FREM2: variants seen among roughly 807,000 people sequenced by gnomAD.
FREM2 encodes FRAS1-related extracellular matrix protein 2.
A neutral mutation model predicts 219.9 loss-of-function variants in FREM2; 119 were observed. The observed-to-expected ratio is 0.54, with a 90% CI of 0.47 to 0.63. FREM2 has a LOEUF of 0.63. Among genes scored for constraint, FREM2 ranks in the 30% least tolerant of loss-of-function variants. The probability of loss-of-function intolerance (pLI) is 0.00; values close to 1 mark genes in which losing one functional copy is unlikely to be tolerated. For missense variants in FREM2, 4,030 were observed against 3,993.6 expected, an observed-to-expected ratio of 1.01 and a Z score of -0.25; for synonymous variants, 1,562 against 1,522.8, an observed-to-expected ratio of 1.03 and a Z score of -0.60.
At chr13:38,780,289 G>A (rs1874067078) in intron 4 of FREM2, among the ~76,000 whole-genome samples, 1 of 152,160 alleles carries the variant, frequency 6.6e-6, no homozygotes, top group Non-Finnish European at 1.5e-5. Context: ...AGTTGGTCAA[G>A]ACAGCAAAAC....
intron 10 of FREM2, 55 bp from the exon 11 acceptor site, chr13:38,851,631 G>A (rs1048723530): frequency 2.3e-6 from 3 of 1,311,200 alleles, no homozygotes; most frequent in Admixed American, 3.4e-5. Flanking sequence ...AGAAATGGAG[G>A]AAAAGCATTC....
chr13:38,794,993 G>A (rs1874712979), intron 6 of FREM2, among the ~76,000 whole-genome samples: 1 of 152,126 alleles, frequency 6.6e-6, no homozygotes, highest in African/African-American at 2.4e-5. Flanking sequence ...AATTACTTAA[G>A]ATCACACAAA....
intron 3 of FREM2, among the ~76,000 whole-genome samples, chr13:38,766,113 G>C (rs1873424218): frequency 6.6e-6 from 1 of 152,076 alleles, no homozygotes; most frequent in Admixed American, 6.5e-5. Flanking sequence ...TCCCACTCCT[G>C]GTGAGTTTAT....
chr13:38,861,997 T>TA (rs763952981), intron 15 of FREM2, among the ~76,000 whole-genome samples: 26 of 152,160 alleles, frequency 1.7e-4, no homozygotes, highest in Non-Finnish European at 1.3e-4. Context: ...TTAAATAAAA[T>TA]AAAAAATGAA....
Position 38,872,773 on chromosome 13 carries a change from T to C in FREM2, c.8015T>C (p.Leu2672Pro), listed in dbSNP as rs763270809. 2 of 1,614,072 alleles carry C rather than the reference T, an allele frequency of 1.2e-6. No homozygotes were observed. The highest frequency in any genetic ancestry group is 1.7e-6 in the Non-Finnish European group (2 of 1,179,924). ...AACCTAGTGCAGTCCTATGTGACCC[T>C]TCGAGTCCCTCTGTATGTTTCCTAC... is the stretch of plus-strand genomic sequence containing the variant. ...VLNLVQSYVT[L>P]RVPLYVSYVF... Residue 2672 changes from leucine to proline, a missense_variant, in exon 17 of 24, where the codon CTT becomes CCT. Coordinates refer to ENST00000280481, the MANE Select transcript of FREM2 (RefSeq NM_207361.6).
At chr13:38,865,651 G>T (rs1037824533) in intron 16 of FREM2, among the ~76,000 whole-genome samples, 1 of 152,202 alleles carries the variant, frequency 6.6e-6, no homozygotes, top group African/African-American at 2.4e-5. Flanking sequence ...AGTTCTGCTG[G>T]TGTTGATGTT....
At chr13:38,713,969 A>G (rs1467775666) in intron 2 of FREM2, among the ~76,000 whole-genome samples, 1 of 152,242 alleles carries the variant, frequency 6.6e-6, no homozygotes, top group African/African-American at 2.4e-5. Flanking sequence ...ACAGCCTCCA[A>G]CATCAAAGAA....
intron 6 of FREM2, among the ~76,000 whole-genome samples, chr13:38,802,327 G>A (rs927578473): frequency 5.9e-5 from 9 of 152,222 alleles, no homozygotes; most frequent in East Asian, 3.9e-4. Flanking sequence ...CACAGCAGCC[G>A]GCAACAGTGA....
intron 6 of FREM2, among the ~76,000 whole-genome samples, chr13:38,841,037 C>G (rs1876943030): frequency 6.6e-6 from 1 of 152,152 alleles, no homozygotes; most frequent in South Asian, 2.1e-4. Flanking sequence ...TCTAGATATG[C>G]ATCCTAGTTC....
chr13:38,696,176 G>A (rs12429728), intron 1 of FREM2, among the ~76,000 whole-genome samples: 5,781 of 152,222 alleles, frequency 0.038, 280 homozygotes, highest in African/African-American at 0.12. Flanking sequence ...AGAATCAAGC[G>A]ACTTAGGCAT....
At chr13:38,733,073 G>A (rs1871831295) in intron 2 of FREM2, among the ~76,000 whole-genome samples, 1 of 152,126 alleles carries the variant, frequency 6.6e-6, no homozygotes, top group African/African-American at 2.4e-5. Context: ...AGATGATAGT[G>A]AGAGGAAAAC....
At chr13:38,861,396 C>A (rs1877753850) in intron 14 of FREM2, 35 bp from the exon 15 acceptor site, 2 of 1,605,612 alleles carry the variant, frequency 1.2e-6, no homozygotes, top group Non-Finnish European at 1.7e-6. Flanking sequence ...TGATTACCTT[C>A]TTTTCGCATA....
At chr13:38,868,964 C>T (rs746976604) in intron 16 of FREM2, among the ~76,000 whole-genome samples, 4 of 152,186 alleles carry the variant, frequency 2.6e-5, no homozygotes, top group Non-Finnish European at 5.9e-5. Context: ...CTGCAGCAAG[C>T]CAGTGCTGAC....
In FREM2 at chr13:38,726,066, A is replaced by G. The variant is rs139616892; in HGVS notation, c.5263+28279A>G. On this transcript the variant is annotated intron_variant, in intron 2 of 23. Coordinates refer to ENST00000280481, the MANE Select transcript of FREM2 (RefSeq NM_207361.6). ...CAGAGTTCCCATGAGGAGGGCGCAC[A>G]CCATGCCATGCAGGGCTCCATGGAG... 1.1e-4 allele frequency among the ~76,000 whole-genome samples: 17 copies of G among 152,322 alleles called. No homozygotes were observed. In the East Asian group the frequency reaches 1.7e-3, roughly 16 times the overall value.
At chr13:38,814,971 C>T (rs1875706529) in intron 6 of FREM2, among the ~76,000 whole-genome samples, 1 of 152,100 alleles carries the variant, frequency 6.6e-6, no homozygotes, top group South Asian at 2.1e-4. Context: ...ACAGTGGGCT[C>T]CCCTCTGGCC....
intron 1 of FREM2, among the ~76,000 whole-genome samples, chr13:38,694,686 C>G (rs1347417301): frequency 6.6e-6 from 1 of 152,012 alleles, no homozygotes; most frequent in Non-Finnish European, 1.5e-5. Context: ...TAAATGGTTC[C>G]TAGAAGAAAA....
chr13:38,847,049 C>G lies in FREM2; in HGVS notation c.6169+327C>G, dbSNP rs547797001. Among the ~76,000 whole-genome samples, 9 of 152,134 alleles carry G rather than the reference C, an allele frequency of 5.9e-5. No individual in the cohort carries two copies. The East Asian group carries it at 1.6e-3, about 26-fold the overall frequency. On this transcript the variant is annotated intron_variant, in intron 7 of 23. Transcript: ENST00000280481. ...GTTGTAGCATTATAAGCAGGAAAAT[C>G]ATCTTACTGCACATAATCTATCCCC...
intron 6 of FREM2, among the ~76,000 whole-genome samples, chr13:38,832,377 G>A (rs563312991): frequency 3.3e-5 from 5 of 152,030 alleles, no homozygotes; most frequent in Admixed American, 6.6e-5. Flanking sequence ...TTTCTTCTTC[G>A]TTTTTCTTAG....
At chr13:38,821,133 T>C (rs1876030937) in intron 6 of FREM2, among the ~76,000 whole-genome samples, 1 of 151,870 alleles carries the variant, frequency 6.6e-6, no homozygotes, top group East Asian at 1.9e-4. Context: ...TTCCTTCTCT[T>C]TGTAGATAAA....
Sources: gnomAD v4.1 joint callset for allele counts (sites outside exome capture counted in the v4.1 genomes callset) on GRCh38, gnomAD v4.1.1 for gene constraint, MANE v1.5 for transcripts, NCBI Gene and HGNC (gene_info 2026-07-23, HGNC 2026-07-21) for gene names.